The following CNTNAP5 variants were observed in gnomAD, a reference collection of about 807,000 sequenced individuals.
CNTNAP5 encodes the protein contactin associated protein family member 5.
A neutral mutation model predicts 150.2 loss-of-function variants in CNTNAP5; 72 were observed. That is an observed-to-expected ratio of 0.48 (90% confidence interval 0.40 to 0.58). The LOEUF is 0.58. Among genes scored for constraint, CNTNAP5 ranks in the 20% least tolerant of loss-of-function variants. CNTNAP5 has a pLI of 0.00. For synonymous variants in CNTNAP5, 672 were observed against 619.8 expected, an observed-to-expected ratio of 1.08 and a Z score of -1.25; for missense variants, 1,636 against 1,626.2, an observed-to-expected ratio of 1.01 and a Z score of -0.10.
chr2:124,248,332 G>A (rs1573865554), intron 3 of CNTNAP5, among the ~76,000 whole-genome samples: 1 of 152,150 alleles, frequency 6.6e-6, no homozygotes, highest in African/African-American at 2.4e-5. Context: ...GGGTTGCAAT[G>A]TGAAATACAT....
At chr2:124,066,980 A>T (rs1338558141) in intron 1 of CNTNAP5, among the ~76,000 whole-genome samples, 1 of 152,158 alleles carries the variant, frequency 6.6e-6, no homozygotes, top group East Asian at 1.9e-4. Context: ...TCAAGACTAC[A>T]TTGTACTCTT....
intron 6 of CNTNAP5, among the ~76,000 whole-genome samples, chr2:124,472,811 G>A (rs1466224247): frequency 6.6e-6 from 1 of 151,550 alleles, no homozygotes; most frequent in Non-Finnish European, 1.5e-5. Flanking sequence ...AAAAAATAAA[G>A]CTAACACAGA....
chr2:124,470,060 G>C (rs1693471629), intron 6 of CNTNAP5, among the ~76,000 whole-genome samples: 1 of 152,096 alleles, frequency 6.6e-6, no homozygotes, highest in Non-Finnish European at 1.5e-5. Context: ...CTTTATAATA[G>C]AATGATTTAT....
chr2:124,796,565 A>G (rs554950191), intron 18 of CNTNAP5, among the ~76,000 whole-genome samples: 61 of 152,218 alleles, frequency 4.0e-4, no homozygotes, highest in Non-Finnish European at 6.9e-4. Context: ...AAAATGAACT[A>G]GTATTCTCAA....
chr2:124,493,687 C>T (rs919179854), intron 7 of CNTNAP5, among the ~76,000 whole-genome samples: 1 of 152,022 alleles, frequency 6.6e-6, no homozygotes, highest in African/African-American at 2.4e-5. Context: ...TAATTACACA[C>T]ATTCCTTCCT....
intron 11 of CNTNAP5, among the ~76,000 whole-genome samples, chr2:124,563,977 C>A (rs1016095737): frequency 6.6e-6 from 1 of 152,102 alleles, no homozygotes. Flanking sequence ...TGCAATCTTG[C>A]CGTGGAATGG....
chr2:124,519,035 C>T (rs561293574), intron 8 of CNTNAP5, among the ~76,000 whole-genome samples: 5 of 141,550 alleles, frequency 3.5e-5, no homozygotes, highest in Admixed American at 7.2e-5. Flanking sequence ...ATTCATGCTA[C>T]GTGGATGAAT....
At chr2:124,303,906 C>T (rs1016641612) in intron 3 of CNTNAP5, among the ~76,000 whole-genome samples, 5 of 152,162 alleles carry the variant, frequency 3.3e-5, no homozygotes, top group Admixed American at 6.6e-5. Flanking sequence ...ATTTTGCATG[C>T]CAGTAGTTCC....
intron 1 of CNTNAP5, among the ~76,000 whole-genome samples, chr2:124,115,403 G>T (rs1683401519): frequency 6.6e-6 from 1 of 152,076 alleles, no homozygotes; most frequent in Non-Finnish European, 1.5e-5. Context: ...GGGGCATAAA[G>T]ATTATTGACA....
chr2:124,052,303 C>A (rs577115999), intron 1 of CNTNAP5, among the ~76,000 whole-genome samples: 1 of 152,184 alleles, frequency 6.6e-6, no homozygotes, highest in South Asian at 2.1e-4. Context: ...GAAAGACCAA[C>A]CTTCATCTGC....
chr2:124,602,637 G>A (rs572236670), intron 11 of CNTNAP5, among the ~76,000 whole-genome samples: 73 of 152,072 alleles, frequency 4.8e-4, no homozygotes, highest in African/African-American at 1.7e-3. Flanking sequence ...GAGACTATAG[G>A]CACAAGCTAC....
chr2:124,357,494 G>A (rs1258731189), intron 3 of CNTNAP5, among the ~76,000 whole-genome samples: 1 of 151,950 alleles, frequency 6.6e-6, no homozygotes, highest in East Asian at 1.9e-4. Context: ...TAAGGTGTAC[G>A]GAAGGGATCC....
chr2:124,380,515 A>G (rs1690763040), intron 3 of CNTNAP5, among the ~76,000 whole-genome samples: 1 of 152,198 alleles, frequency 6.6e-6, no homozygotes, highest in African/African-American at 2.4e-5. Context: ...TGTCTCCATC[A>G]AATAAGCATA....
chr2:124,274,285 C>T (rs1687830983), intron 3 of CNTNAP5, among the ~76,000 whole-genome samples: 1 of 152,174 alleles, frequency 6.6e-6, no homozygotes, highest in African/African-American at 2.4e-5. Flanking sequence ...TTTTTAACAT[C>T]TTTCACAGAC....
intron 1 of CNTNAP5, among the ~76,000 whole-genome samples, chr2:124,057,823 T>C (rs1461030190): frequency 6.6e-6 from 1 of 151,858 alleles, no homozygotes; most frequent in Non-Finnish European, 1.5e-5. Flanking sequence ...GTACAAAAAG[T>C]AGTTAATTGT....
intron 4 of CNTNAP5, among the ~76,000 whole-genome samples, chr2:124,430,489 G>A (rs1217910218): frequency 6.6e-6 from 1 of 152,178 alleles, no homozygotes; most frequent in Admixed American, 6.5e-5. Flanking sequence ...TAAAATCACA[G>A]CATGCCTGGA....
chr2:124,512,895 A>G (rs556720440), intron 8 of CNTNAP5, among the ~76,000 whole-genome samples: 1 of 152,336 alleles, frequency 6.6e-6, no homozygotes, highest in African/African-American at 2.4e-5. Flanking sequence ...AGCATTGACT[A>G]CATTTACATT....
intron 21 of CNTNAP5, among the ~76,000 whole-genome samples, chr2:124,890,119 A>G (rs1012684591): frequency 1.3e-5 from 2 of 152,188 alleles, no homozygotes; most frequent in Non-Finnish European, 1.5e-5. Context: ...CATGTTCAGT[A>G]TCTTGTCCAA....
chr2:124,238,417 G>A (rs1453744095), intron 2 of CNTNAP5, among the ~76,000 whole-genome samples: 1 of 152,078 alleles, frequency 6.6e-6, no homozygotes, highest in African/African-American at 2.4e-5. Flanking sequence ...TTCCTCCAAA[G>A]TCAAATAATA....
Sources: gnomAD v4.1 joint callset for allele counts (sites outside exome capture counted in the v4.1 genomes callset) on GRCh38, gnomAD v4.1.1 for gene constraint, MANE v1.5 for transcripts, NCBI Gene and HGNC (gene_info 2026-07-23, HGNC 2026-07-21) for gene names.